TMEM68: variants seen among roughly 807,000 people sequenced by gnomAD.
TMEM68 encodes DGAT1/2-independent enzyme synthesizing storage lipids.
A neutral mutation model predicts 36.9 loss-of-function variants in TMEM68; 25 were observed. That is an observed-to-expected ratio of 0.68 (90% CI 0.49 to 0.95). The LOEUF is 0.95. Among genes scored for constraint, TMEM68 ranks in the 40% least tolerant of loss-of-function variants. The probability of loss-of-function intolerance (pLI) is 0.00; values close to 1 mark genes in which losing one functional copy is unlikely to be tolerated. For synonymous variants in TMEM68, 131 were observed against 124.4 expected, an observed-to-expected ratio of 1.05 and a Z score of -0.35; for missense variants, 333 against 392.0, an observed-to-expected ratio of 0.85 and a Z score of 1.27.
At chr8:55,757,680 A>T (rs1810648732) in intron 3 of TMEM68, among the ~76,000 whole-genome samples, 1 of 152,050 alleles carries the variant, frequency 6.6e-6, no homozygotes, top group Admixed American at 6.6e-5. Flanking sequence ...ACACTCCTCC[A>T]CCCTCACCAG....
Position 55,762,970 on chromosome 8 carries a change from G to A in TMEM68, c.-11C>T. 6.4e-7 allele frequency: 1 copy of A among 1,564,194 alleles called. No homozygotes were observed. The highest frequency in any genetic ancestry group is 8.6e-7 in the Non-Finnish European group (1 of 1,157,036). ...ATTTTTGTCTATCATTTTTCTTCAGGTGAAAATGACAAATTCAGTTTCTTT... is the reference window on the plus strand; with the variant it reads ...ATTTTTGTCTATCATTTTTCTTCAGATGAAAATGACAAATTCAGTTTCTTT... On this transcript the variant is annotated 5_prime_UTR_variant, in exon 3 of 8. Coordinates refer to ENST00000434581, the MANE Select transcript of TMEM68 (RefSeq NM_001286657.2).
chr8:55,745,779 C>T (rs1810252205), intron 5 of TMEM68: 2 of 152,124 alleles, frequency 1.3e-5, no homozygotes, highest in Non-Finnish European at 2.9e-5. Context: ...TCACTGCAGT[C>T]TCAACCTCCC....
intron 3 of TMEM68, among the ~76,000 whole-genome samples, chr8:55,757,720 A>T (rs1810650067): frequency 2.0e-5 from 3 of 152,108 alleles, no homozygotes; most frequent in Admixed American, 2.0e-4. Flanking sequence ...CCACTATTCT[A>T]GAGAAGGGGA....
At chr8:55,741,565 T>A (rs1810103587) in intron 7 of TMEM68, among the ~76,000 whole-genome samples, 1 of 152,062 alleles carries the variant, frequency 6.6e-6, no homozygotes, top group South Asian at 2.1e-4. Context: ...ATCTGAAGTG[T>A]GAAAAGAAAG....
intron 1 of TMEM68, among the ~76,000 whole-genome samples, chr8:55,769,667 C>G (rs1811092616): frequency 6.6e-6 from 1 of 152,024 alleles, no homozygotes; most frequent in Non-Finnish European, 1.5e-5. Flanking sequence ...GAGTCTCACT[C>G]TGTCACCCAG....
intron 3 of TMEM68, chr8:55,762,397 CTTATAGT>C: frequency 2.0e-6 from 1 of 505,896 alleles, no homozygotes; most frequent in Non-Finnish European, 3.2e-6. Context: ...CTTATTTCAA[CTTATAGT>C]CTACAGTGCT....
chr8:55,745,009 A>C, intron 6 of TMEM68, 52 bp downstream of exon 6: 1 of 1,249,562 alleles, frequency 8.0e-7, no homozygotes, highest in Non-Finnish European at 1.1e-6. Flanking sequence ...TCAACAGCCC[A>C]AATATTTTAA....
At position 55,739,961 on chromosome 8, in the gene TMEM68, G is replaced by A; in HGVS notation, c.*171C>T. ...TAATTTGTTAGTATTTGACACAATT[G>A]CAAAAACAAAATTGACTATTTTAAA... On this transcript the variant is annotated 3_prime_UTR_variant, in exon 8 of 8. Coordinates refer to ENST00000434581, the MANE Select transcript of TMEM68 (RefSeq NM_001286657.2). 5.6e-6 allele frequency: 3 copies of A among 531,798 alleles called. No individual in the cohort carries two copies. In the South Asian group the frequency reaches 9.1e-5, roughly 16 times the overall value. 32.9% of individuals were successfully genotyped at this position (531,798 alleles called of 1,614,324 possible). A position where few individuals can be genotyped will look rare whatever the true frequency, so the allele number is the denominator to read the frequency against.
At chr8:55,769,187 A>G (rs1811074151) in intron 1 of TMEM68, among the ~76,000 whole-genome samples, 1 of 150,716 alleles carries the variant, frequency 6.6e-6, no homozygotes, top group Non-Finnish European at 1.5e-5. Context: ...GCCAGGCATC[A>G]TGGTGCATAC....
rs746796907 is a variant in TMEM68 at position 55,762,783 on chromosome 8, A to C, written c.177T>G (p.Phe59Leu). The C allele has an allele frequency of 1.2e-6, 2 of 1,613,976 alleles. No individual in the cohort carries two copies. The highest frequency in any genetic ancestry group is 2.2e-5 in the South Asian group (2 of 91,038). Residue 59 changes from phenylalanine to leucine, a missense_variant, in exon 3 of 8, where the codon TTT (phenylalanine) becomes TTG (leucine). Phe to Leu is a conservative substitution (Grantham distance 22). Transcript: ENST00000434581. ...TAGTAAGGTAGAGAAGAAAGATAGTAAAGTAAGGAAGTATTAAAAGTATTA... is the reference window on the plus strand; with the variant it reads ...TAGTAAGGTAGAGAAGAAAGATAGTCAAGTAAGGAAGTATTAAAAGTATTA... The part of the protein sequence containing the change: ...TPLILLILPY[F>L]TIFLLYLTII...
At chr8:55,743,701 G>A in intron 6 of TMEM68, 81 bp from the exon 7 acceptor site, 1 of 1,303,636 alleles carries the variant, frequency 7.7e-7, no homozygotes, top group South Asian at 1.7e-5. Context: ...TAATTATGTA[G>A]GACTTACAGG....
intron 1 of TMEM68, among the ~76,000 whole-genome samples, chr8:55,765,182 C>T (rs1016824837): frequency 6.6e-6 from 1 of 152,218 alleles, no homozygotes; most frequent in Non-Finnish European, 1.5e-5. Flanking sequence ...CTTCCTTATA[C>T]TTAACTTCCC....
chr8:55,752,417 T>G (rs1810448362), intron 4 of TMEM68, among the ~76,000 whole-genome samples: 1 of 150,700 alleles, frequency 6.6e-6, no homozygotes, highest in Non-Finnish European at 1.5e-5. Context: ...CAAAACCCCA[T>G]CTCTACTAAA....
intron 3 of TMEM68, among the ~76,000 whole-genome samples, chr8:55,758,639 T>G (rs1350650199): frequency 2.0e-5 from 3 of 152,120 alleles, no homozygotes; most frequent in Non-Finnish European, 4.4e-5. Flanking sequence ...GACCCACCTC[T>G]GCAAAAATGT....
At chr8:55,764,660 C>T (rs1810909558) in intron 1 of TMEM68, among the ~76,000 whole-genome samples, 1 of 152,202 alleles carries the variant, frequency 6.6e-6, no homozygotes, top group Non-Finnish European at 1.5e-5. Context: ...TTCCTTGTAA[C>T]CAATAGCATT....
At chr8:55,764,725 T>A (rs563861039) in intron 1 of TMEM68, among the ~76,000 whole-genome samples, 11 of 152,262 alleles carry the variant, frequency 7.2e-5, no homozygotes, top group South Asian at 4.1e-4. Context: ...TAGCAAACAT[T>A]GAGCCCACAA....
chr8:55,758,736 T>C (rs926941795), intron 3 of TMEM68, among the ~76,000 whole-genome samples: 1 of 152,158 alleles, frequency 6.6e-6, no homozygotes, highest in African/African-American at 2.4e-5. Flanking sequence ...AGCCCAGAAG[T>C]TGAAAGCTGT....
In TMEM68 at chr8:55,762,641, A is replaced by G; in HGVS notation, c.319T>C (p.Trp107Arg). ...TGAAAGTATCCTTGCTTACCATGCC[A>G]AACGGCTGCATGTCCATCCCACAGA... ...ATLWDGHAAV[W>R]HGYEVHGMEK... is the part of the protein sequence containing the mutation. The change falls in exon 3 of 8, where the codon TGG (tryptophan) becomes CGG (arginine). Residue 107 changes from tryptophan to arginine, a missense_variant. Transcript: ENST00000434581. 1 of 1,614,230 alleles carries G rather than the reference A, an allele frequency of 6.2e-7. No individual in the cohort carries two copies. Among genetic ancestry groups the G allele is most frequent in the Non-Finnish European group, 8.5e-7 (1 of 1,180,042 alleles).
intron 1 of TMEM68, among the ~76,000 whole-genome samples, chr8:55,771,530 T>C (rs1585741079): frequency 6.6e-6 from 1 of 151,952 alleles, no homozygotes; most frequent in Non-Finnish European, 1.5e-5. Flanking sequence ...GGTAGGAGGA[T>C]TGCTTGAGCC....
Sources: gnomAD v4.1 joint callset for allele counts (sites outside exome capture counted in the v4.1 genomes callset) on GRCh38, gnomAD v4.1.1 for gene constraint, MANE v1.5 for transcripts, NCBI Gene and HGNC (gene_info 2026-07-23, HGNC 2026-07-21) for gene names.